The following CASKIN2 variants were observed in gnomAD, a reference collection of about 807,000 sequenced individuals.
The protein encoded by CASKIN2 is CASK interacting protein 2.
CASKIN2 carries 41 observed loss-of-function variants against 107.1 expected under a neutral mutation model. The ratio of observed to expected loss-of-function variants is 0.38; its 90% CI spans 0.30 to 0.50. The LOEUF (loss-of-function observed/expected upper bound fraction) is 0.50, where lower values mean the gene tolerates loss of function less well. Among genes scored for constraint, CASKIN2 ranks in the 20% least tolerant of loss-of-function variants. The probability of loss-of-function intolerance (pLI) is 0.92; values close to 1 mark genes in which losing one functional copy is unlikely to be tolerated. For synonymous variants in CASKIN2, 724 were observed against 705.6 expected (o/e 1.03, Z -0.41); for missense variants, 1,546 against 1,657.4 (o/e 0.93, Z 1.17).
chr17:75,505,867 C>G lies in CASKIN2; in HGVS notation c.789G>C (p.Gln263His), dbSNP rs142813436. Residue 263 changes from glutamine (Q) to histidine (H), a missense_variant, in exon 9 of 20, where the codon CAG (glutamine) becomes CAC (histidine). Around this residue, in one of 6 missense-constraint regions of CASKIN2, gnomAD observed 62 missense variants for 81.1 expected, o/e 0.76. Coordinates refer to ENST00000321617, the MANE Select transcript of CASKIN2 (RefSeq NM_020753.5). The surrounding 1 kb of genome is among the most constrained non-coding windows in gnomAD (Gnocchi z 5.1). ...YNQTALDIVNQFTTSQASREI... is the reference protein window; with the variant it reads ...YNQTALDIVNHFTTSQASREI... ...CCCGGCTGGCCTGGGAGGTGGTGAACTGATTCACTATGTCCAGCGCCGTCT... is the reference window on the plus strand; with the variant it reads ...CCCGGCTGGCCTGGGAGGTGGTGAAGTGATTCACTATGTCCAGCGCCGTCT... 1.2e-6 allele frequency: 2 copies of G among 1,613,402 alleles called. No homozygotes were observed. Among genetic ancestry groups the G allele is most frequent in the African/African-American group, 1.3e-5 (1 of 74,886 alleles).
intron 2 of CASKIN2, among the ~76,000 whole-genome samples, chr17:75,511,242 G>T (rs757172415): frequency 6.6e-6 from 1 of 151,790 alleles, no homozygotes; most frequent in Non-Finnish European, 1.5e-5. Flanking sequence ...TGTATTTTTA[G>T]TAGAGACGGG....
intron 2 of CASKIN2, among the ~76,000 whole-genome samples, chr17:75,512,309 C>A (rs892820153): frequency 6.6e-6 from 1 of 152,232 alleles, no homozygotes; most frequent in Non-Finnish European, 1.5e-5. Flanking sequence ...CTATGCTGAT[C>A]TGGGATCTCA....
chr17:75,503,199 G>T lies in CASKIN2; in HGVS notation c.1875C>A (p.Gly625=). Residue 625 remains glycine, a synonymous_variant, in exon 18 of 20, where the codon GGC becomes GGA. Coordinates refer to ENST00000321617, the MANE Select transcript of CASKIN2 (RefSeq NM_020753.5). ...CGCTGAGGGCCTCCCCCTGCAGCAG[G>T]CCCCGCCGAAGCTCCGCCAGCCGCT... ...GVKRLAELRR[G]LLQGEALSEG... 6.3e-7 allele frequency: 1 copy of T among 1,594,474 alleles called. No individual in the cohort carries two copies.
chr17:75,513,800 C>A lies in CASKIN2; in HGVS notation c.5G>T (p.Gly2Val), dbSNP rs779844227. Residue 2 changes from glycine (G) to valine (V), a missense_variant, in exon 2 of 20, where the codon GGT becomes GTT. Gly to Val is a moderately radical substitution (Grantham distance 109, BLOSUM62 -3). Around this residue, in one of 6 missense-constraint regions of CASKIN2, gnomAD observed 136 missense variants for 198.6 expected, o/e 0.68. Transcript: ENST00000321617. M[G>V]REQDLILAVK... ...GGCGAGGATCAGGTCCTGTTCACGA[C>A]CCATACTGGCTCCTGGGCTGAGCTC... The A allele has an allele frequency of 3.7e-6, 6 of 1,602,418 alleles. No homozygotes were observed. The highest frequency in any genetic ancestry group is 3.4e-6 in the Non-Finnish European group (4 of 1,174,980).
chr17:75,504,461 T>C lies in CASKIN2; in HGVS notation c.1334A>G (p.Glu445Gly). Residue 445 changes from glutamate to glycine, a missense_variant, in exon 13 of 20, where the codon GAG becomes GGG. By Grantham distance (98) the Glu-to-Gly change is moderately conservative (BLOSUM62 -2). Coordinates refer to ENST00000321617, the MANE Select transcript of CASKIN2 (RefSeq NM_020753.5). ...GTGGAGTCCTGGCAGCACCTGGTCC[T>C]CTCCAGCAGAGGGCAGTGGCTGGAG... ...ENAQPLPSAG[E>G]DQVLPGLHPP... The C allele has an allele frequency of 6.2e-7, 1 of 1,607,950 alleles. No individual in the cohort carries two copies. The highest frequency in any genetic ancestry group is 8.5e-7 in the Non-Finnish European group (1 of 1,176,022).
Position 75,514,071 on chromosome 17 carries a change from G to A in CASKIN2, c.-267C>T. 3.5e-6 allele frequency: 2 copies of A among 578,112 alleles called. No individual in the cohort carries two copies. Among genetic ancestry groups the A allele is most frequent in the South Asian group, 4.5e-5 (2 of 44,568 alleles). The allele number at this position is 578,112 out of a possible 1,614,324, so 35.8% of individuals were successfully genotyped here. On this transcript the variant is annotated 5_prime_UTR_variant, in exon 2 of 20. Coordinates refer to ENST00000321617, the MANE Select transcript of CASKIN2 (RefSeq NM_020753.5). ...AAATCTGGATGGATATCAGCTTGTGGCTTCCGACAGCTCCAGGATGGGCTG... is the reference window on the plus strand; with the variant it reads ...AAATCTGGATGGATATCAGCTTGTGACTTCCGACAGCTCCAGGATGGGCTG...
rs2053256313 is a variant in CASKIN2 at position 75,505,568 on chromosome 17, C to T, written c.919G>A (p.Asp307Asn). Residue 307 changes from aspartate (D) to asparagine (N), a missense_variant, in exon 10 of 20, where the codon GAT (aspartate) becomes AAT (asparagine). Asp to Asn is a conservative substitution (Grantham distance 23, BLOSUM62 1). Around this residue, in one of 6 missense-constraint regions of CASKIN2, gnomAD observed 1,311 missense variants for 1,311.0 expected, o/e 1.00. Coordinates refer to ENST00000321617, the MANE Select transcript of CASKIN2 (RefSeq NM_020753.5). The surrounding 1 kb of genome is among the most constrained non-coding windows in gnomAD (Gnocchi z 5.1). ...TTGGGGTCCCTCACCGTGATGACAT[C>T]CCCTGCCCGGACATTGAGAGCAGTG... ...DPTALNVRAGDVITVLEQHPD... is the reference protein window; with the variant it reads ...DPTALNVRAGNVITVLEQHPD... 4.3e-6 allele frequency: 7 copies of T among 1,613,552 alleles called. No homozygotes were observed. The highest frequency in any genetic ancestry group is 5.9e-6 in the Non-Finnish European group (7 of 1,179,970).
intron 14 of CASKIN2, 21 bp from the exon 15 acceptor site, chr17:75,503,983 GC>G: frequency 6.3e-7 from 1 of 1,590,254 alleles, no homozygotes; most frequent in Non-Finnish European, 8.6e-7. Flanking sequence ...GGGGAAGGGG[GC>G]AGAATTAGCA....
rs774330213 is a variant in CASKIN2, at chr17:75,505,477, C to T, written c.930+80G>A. ...TGCATATAGAGACCTCAGAGCAGAA[C>T]GTGGTAACATAGCAGGTGCCCAAAT... On this transcript the variant is annotated intron_variant, in intron 10 of 19. Transcript: ENST00000321617. The surrounding 1 kb of genome is among the most constrained non-coding windows in gnomAD (Gnocchi z 5.1). 2.0e-5 allele frequency: 26 copies of T among 1,315,690 alleles called. No homozygotes were observed. The highest frequency in any genetic ancestry group is 2.5e-5 in the Non-Finnish European group (23 of 910,336). The allele number at this position is 1,315,690 out of a possible 1,614,324, so 81.5% of individuals were successfully genotyped here. A position where few individuals can be genotyped will look rare whatever the true frequency, so the allele number is the denominator to read the frequency against.
chr17:75,504,509 A>T, intron 12 of CASKIN2, 29 bp from the exon 13 acceptor site: 1 of 1,596,992 alleles, frequency 6.3e-7, no homozygotes, highest in East Asian at 2.3e-5. Flanking sequence ...GAGCCAACTC[A>T]GCATTTGGGG....
rs201528584 is a variant in CASKIN2, at chr17:75,506,743, C to T, written c.487-30G>A. ...AGCACCCAGTGCCCAGTTAGAGCCT[C>T]CTCCTGAGACCCTGTAGATGTCCAG... On this transcript the variant is annotated intron_variant, in intron 6 of 19. Transcript: ENST00000321617. This position sits in a 1 kb window ranked among gnomAD's most constrained non-coding sequence, Gnocchi z 4.8. 3.1e-6 allele frequency: 5 copies of T among 1,613,686 alleles called. No homozygotes were observed. Among genetic ancestry groups the T allele is most frequent in the African/African-American group, 2.7e-5 (2 of 75,042 alleles).
chr17:75,513,652 A>AACCCAC, intron 2 of CASKIN2, 59 bp downstream of exon 2: 1 of 976,026 alleles, frequency 1.0e-6, no homozygotes, highest in Non-Finnish European at 1.6e-6. Context: ...CCCACCCACC[A>AACCCAC]AGCCTCTGTG....
chr17:75,502,404 A>G lies in CASKIN2; in HGVS notation c.2670T>C (p.Asp890=). The change falls in exon 18 of 20, where the codon GAT becomes GAC. Residue 890 remains aspartate, a synonymous_variant. Coordinates refer to ENST00000321617, the MANE Select transcript of CASKIN2 (RefSeq NM_020753.5). This position sits in a 1 kb window ranked among gnomAD's most constrained non-coding sequence, Gnocchi z 4.3. ...CCCCTTCCTTGGGCCCTGGGCTCTC[A>G]TCTAGTGGAGGTGGCTCCGGGCTGG... ...SGPSPEPPPL[D]ESPGPKEGAT... The G allele has an allele frequency of 6.9e-7, 1 of 1,454,184 alleles. No homozygotes were observed. Among genetic ancestry groups the G allele is most frequent in the Middle Eastern group, 2.0e-4 (1 of 4,930 alleles). The allele number at this position is 1,454,184 out of a possible 1,614,324, so 90.1% of individuals were successfully genotyped here.
chr17:75,505,527 G>C lies in CASKIN2; in HGVS notation c.930+30C>G, dbSNP rs1334821429. 5.0e-6 allele frequency: 8 copies of C among 1,599,450 alleles called. No individual in the cohort carries two copies. On this transcript the variant is annotated intron_variant, in intron 10 of 19. Transcript: ENST00000321617. The surrounding 1 kb of genome is among the most constrained non-coding windows in gnomAD (Gnocchi z 5.1). ...TAAGTAACAGCAATCATTTGTATTT[G>C]CAAAGGAATGCCTGCTTGGGGTCCC...
chr17:75,505,004 T>C lies in CASKIN2; in HGVS notation c.1000A>G (p.Ile334Val), dbSNP rs1048154528. 33 of 1,610,000 alleles carry C rather than the reference T, an allele frequency of 2.0e-5. No individual in the cohort carries two copies. Among genetic ancestry groups the C allele is most frequent in the Non-Finnish European group, 2.8e-5 (33 of 1,178,712 alleles). The change falls in exon 11 of 20, where the codon ATA becomes GTA. Residue 334 changes from isoleucine to valine, a missense_variant. Physicochemically the swap from Ile to Val is conservative, Grantham distance 29. This residue lies in a region of CASKIN2 where 1,311 missense variants were observed against 1,311.0 expected (regional missense o/e 1.00). Coordinates refer to ENST00000321617, the MANE Select transcript of CASKIN2 (RefSeq NM_020753.5). The surrounding 1 kb of genome is among the most constrained non-coding windows in gnomAD (Gnocchi z 5.1). ...IHESQRGTDR[I>V]GYFPPGIVEV... ...ACAATGCCCGGGGGGAAGTAGCCTA[T>C]GCGGTCTGTGCCCCTCTGGCTCTCG...
chr17:75,513,213 G>A (rs1479947862), intron 2 of CASKIN2, among the ~76,000 whole-genome samples: 2 of 151,876 alleles, frequency 1.3e-5, no homozygotes, highest in Non-Finnish European at 2.9e-5. Flanking sequence ...ACCTAGGTGG[G>A]TGGATCACTT....
intron 2 of CASKIN2, among the ~76,000 whole-genome samples, chr17:75,510,039 G>A (rs1426782184): frequency 6.6e-6 from 1 of 152,238 alleles, no homozygotes; most frequent in Admixed American, 6.5e-5. Context: ...TCCTGGCAGT[G>A]ACTCCAGGCA....
rs1168188587 is a variant in CASKIN2, at chr17:75,505,306, C to T, written c.931-233G>A. The T allele has an allele frequency of 6.4e-6, 4 of 626,998 alleles. No individual in the cohort carries two copies. Among genetic ancestry groups the T allele is most frequent in the African/African-American group, 5.5e-5 (3 of 54,362 alleles). The allele number at this position is 626,998 out of a possible 1,614,324, so 38.8% of individuals were successfully genotyped here. A position where few individuals can be genotyped will look rare whatever the true frequency, so the allele number is the denominator to read the frequency against. Reference sequence around the variant, plus strand: ...GTGGCAGCCCGTGGTCAAATCACAGCTCCACTACTTGCTAGCTGTGTGACC... The same window carrying T: ...GTGGCAGCCCGTGGTCAAATCACAGTTCCACTACTTGCTAGCTGTGTGACC... On this transcript the variant is annotated intron_variant, in intron 10 of 19. Coordinates refer to ENST00000321617, the MANE Select transcript of CASKIN2 (RefSeq NM_020753.5). The surrounding 1 kb of genome is among the most constrained non-coding windows in gnomAD (Gnocchi z 5.1).
At position 75,503,004 on chromosome 17, in the gene CASKIN2, G is replaced by A. The variant is rs1272191068; in HGVS notation, c.2070C>T (p.Leu690=). ...MAGGGPEPLP[L]PPARSPSQES... is the part of the protein sequence containing the mutation. The stretch of plus-strand genomic sequence containing the variant: ...CCTGGCTGGGAGAGCGGGCAGGTGG[G>A]AGGGGGAGTGGTTCAGGGCCACCCC... The change falls in exon 18 of 20, where the codon CTC becomes CTT. Residue 690 remains leucine (L), a synonymous_variant. Coordinates refer to ENST00000321617, the MANE Select transcript of CASKIN2 (RefSeq NM_020753.5). The A allele has an allele frequency of 3.7e-6, 6 of 1,606,404 alleles. No homozygotes were observed. Among genetic ancestry groups the A allele is most frequent in the Middle Eastern group, 1.7e-4 (1 of 5,866 alleles).
Sources: allele counts gnomAD v4.1 joint callset (sites outside exome capture counted in the v4.1 genomes callset), GRCh38; gene constraint gnomAD v4.1.1; regional missense constraint gnomAD v4.1.1; non-coding constraint Gnocchi (gnomAD v3.1); transcripts MANE v1.5; gene names NCBI Gene and HGNC (gene_info 2026-07-23, HGNC 2026-07-21).